Variants in ZNF827 observed in about 807,000 individuals in gnomAD.
ZNF827 encodes the protein zinc finger protein 827.
In ZNF827, 13 loss-of-function variants were observed where a neutral mutation model predicts 102.4. That is an observed-to-expected ratio of 0.13 (90% CI 0.08 to 0.20). The LOEUF (loss-of-function observed/expected upper bound fraction) is 0.20, where lower values mean the gene tolerates loss of function less well. Ranked by LOEUF, ZNF827 falls within the 10% of genes least tolerant of loss-of-function variation. The pLI, the probability that ZNF827 is intolerant of heterozygous loss-of-function variation, is 1.00. For synonymous variants in ZNF827, 523 were observed against 536.2 expected (o/e 0.98, Z 0.34); for missense variants, 1,103 against 1,344.4 (o/e 0.82, Z 2.81).
chr4:145,797,487 G>A (rs139168579), intron 8 of ZNF827, among the ~76,000 whole-genome samples: 281 of 152,278 alleles, frequency 1.8e-3, no homozygotes, highest in African/African-American at 6.5e-3. Flanking sequence ...GCCAAGGACA[G>A]GTTTGTGAAA....
rs757229816 is a variant in ZNF827 at position 145,765,759 on chromosome 4, C to G, written c.2861-21G>C. ...TTCCCCTGAAAAATAAGCAAATAAC[C>G]CAGTCTGTTAATGAGATGAAAATCC... On this transcript the variant is annotated intron_variant, in intron 11 of 14. Coordinates refer to ENST00000508784, the MANE Select transcript of ZNF827 (RefSeq NM_001306215.2). The surrounding 1 kb of genome is among the most constrained non-coding windows in gnomAD (Gnocchi z 4.7). 1.9e-6 allele frequency: 3 copies of G among 1,608,874 alleles called. No homozygotes were observed. Among genetic ancestry groups the G allele is most frequent in the Non-Finnish European group, 2.5e-6 (3 of 1,177,248 alleles).
rs113532075 is a variant in ZNF827 at position 145,826,064 on chromosome 4, G to A, written c.2280-2539C>T. Among the ~76,000 whole-genome samples, 459 of 152,266 alleles carry A rather than the reference G, an allele frequency of 3.0e-3. 1 individual carries two copies. Among genetic ancestry groups the A allele is most frequent in the African/African-American group, 9.9e-3 (410 of 41,540 alleles). On this transcript the variant is annotated intron_variant, in intron 7 of 14. Coordinates refer to ENST00000508784, the MANE Select transcript of ZNF827 (RefSeq NM_001306215.2). ...GAAGATATTAGGTTAACAGGGAATC[G>A]GTCTCAGACCAAACACACAGCTGCC... is the stretch of plus-strand genomic sequence containing the variant.
intron 4 of ZNF827, among the ~76,000 whole-genome samples, chr4:145,882,351 C>T (rs1026480564): frequency 1.3e-5 from 2 of 152,308 alleles, no homozygotes; most frequent in Non-Finnish European, 2.9e-5. Context: ...ATACTATTCC[C>T]TGAATCAACT....
chr4:145,781,265 G>T (rs1579158049), intron 8 of ZNF827, among the ~76,000 whole-genome samples: 1 of 131,542 alleles, frequency 7.6e-6, no homozygotes, highest in South Asian at 2.4e-4. Context: ...ACATGGGTCA[G>T]AGATAACATC....
intron 1 of ZNF827, among the ~76,000 whole-genome samples, chr4:145,908,869 A>C (rs949115748): frequency 6.6e-6 from 1 of 152,216 alleles, no homozygotes; most frequent in African/African-American, 2.4e-5. Context: ...GTGTAAGCAC[A>C]AAAGAGGGAA....
At chr4:145,898,898 C>G (rs1221520560) in intron 2 of ZNF827, among the ~76,000 whole-genome samples, 1 of 152,204 alleles carries the variant, frequency 6.6e-6, no homozygotes, top group Admixed American at 6.5e-5. Flanking sequence ...ATCAGCTTTT[C>G]TAGCACATAT....
At chr4:145,833,538 T>C (rs1006327787) in intron 7 of ZNF827, among the ~76,000 whole-genome samples, 4 of 151,984 alleles carry the variant, frequency 2.6e-5, no homozygotes, top group Admixed American at 6.5e-5. Flanking sequence ...TTCTCTGCTT[T>C]TCTGGAAGAG....
chr4:145,791,435 T>C (rs1424920572), intron 8 of ZNF827, among the ~76,000 whole-genome samples: 1 of 152,158 alleles, frequency 6.6e-6, no homozygotes, highest in East Asian at 1.9e-4. Flanking sequence ...ACATAAACAT[T>C]TAGACCATAC....
At position 145,831,841 on chromosome 4, in the gene ZNF827, G is replaced by A. The variant is rs914399572; in HGVS notation, c.2280-8316C>T. ...GATACTTGTTCAATATGGGTGATGGGAATATAGTGATTCATTATTTTTTCT... is the reference window on the plus strand; with the variant it reads ...GATACTTGTTCAATATGGGTGATGGAAATATAGTGATTCATTATTTTTTCT... On this transcript the variant is annotated intron_variant, in intron 7 of 14. Transcript: ENST00000508784. 6 of 147,754 alleles carry A rather than the reference G, an allele frequency of 4.1e-5. No individual in the cohort carries two copies. In the South Asian group the frequency reaches 1.3e-3, roughly 32 times the overall value. The allele number at this position is 147,754 out of a possible 1,614,324, so 9.2% of individuals were successfully genotyped here.
At chr4:145,851,585 A>T (rs916592913) in intron 5 of ZNF827, among the ~76,000 whole-genome samples, 1 of 152,322 alleles carries the variant, frequency 6.6e-6, no homozygotes, top group East Asian at 1.9e-4. Flanking sequence ...ATGTAAGAAG[A>T]GTGTTAATTG....
chr4:145,815,847 C>T (rs2126438483), intron 8 of ZNF827, among the ~76,000 whole-genome samples: 1 of 152,314 alleles, frequency 6.6e-6, no homozygotes, highest in South Asian at 2.1e-4. Context: ...CTCGAGGCAT[C>T]TAAATAGTCT....
chr4:145,774,402 A>G, intron 11 of ZNF827, 104 bp downstream of exon 11: 1 of 1,277,986 alleles, frequency 7.8e-7, no homozygotes. Context: ...TGGAAGGAAA[A>G]GGGCAATGTC....
chr4:145,916,045 G>A (rs561433028), intron 1 of ZNF827, among the ~76,000 whole-genome samples: 6 of 152,312 alleles, frequency 3.9e-5, no homozygotes, highest in South Asian at 2.1e-4. Flanking sequence ...GGGTTGGGCC[G>A]CCAAGGCCTC....
rs556166645 is a variant in ZNF827, at chr4:145,767,965, T to C, written c.2861-2227A>G. On this transcript the variant is annotated intron_variant, in intron 11 of 14. Transcript: ENST00000508784. ...GGATAAATTCATAATTTTTAAATTATTGAAATGTCTTTAAAAGATAAAAGT... is the reference window on the plus strand; with the variant it reads ...GGATAAATTCATAATTTTTAAATTACTGAAATGTCTTTAAAAGATAAAAGT... 2.6e-5 allele frequency among the ~76,000 whole-genome samples: 4 copies of C among 152,308 alleles called. No homozygotes were observed. In the South Asian group the frequency reaches 6.2e-4, roughly 24 times the overall value.
chr4:145,867,983 A>C (rs138413848), intron 5 of ZNF827, among the ~76,000 whole-genome samples: 1 of 152,348 alleles, frequency 6.6e-6, no homozygotes, highest in African/African-American at 2.4e-5. Context: ...TAAAATTACA[A>C]TTTGAGGAAA....
In ZNF827 at chr4:145,903,184, C is replaced by G. The variant is rs762719195; in HGVS notation, c.75G>C (p.Glu25Asp). ...CATACCAGTGTTCTCCTTCACTGAG[C>G]TCTCCCTCCGCCTCTTCCTGCCTAC... ...HVSRQEEAEG[E>D]LSEGEHWYGN... Residue 25 changes from glutamate (E) to aspartate (D), a missense_variant, in exon 2 of 15, where the codon GAG becomes GAC. Coordinates refer to ENST00000508784, the MANE Select transcript of ZNF827 (RefSeq NM_001306215.2). 3.1e-6 allele frequency: 5 copies of G among 1,612,710 alleles called. No homozygotes were observed. Among genetic ancestry groups the G allele is most frequent in the Non-Finnish European group, 4.2e-6 (5 of 1,179,054 alleles).
At chr4:145,861,691 C>G (rs572738321) in intron 5 of ZNF827, among the ~76,000 whole-genome samples, 1 of 152,226 alleles carries the variant, frequency 6.6e-6, no homozygotes, top group African/African-American at 2.4e-5. Context: ...AGCACGCCCC[C>G]ACCCCAGATC....
At chr4:145,806,739 G>A (rs1385902017) in intron 8 of ZNF827, among the ~76,000 whole-genome samples, 1 of 151,758 alleles carries the variant, frequency 6.6e-6, no homozygotes, top group Non-Finnish European at 1.5e-5. Flanking sequence ...TATACATTTT[G>A]ATATAACGAC....
At chr4:145,917,072 G>C (rs374857954) in intron 1 of ZNF827, among the ~76,000 whole-genome samples, 5 of 152,072 alleles carry the variant, frequency 3.3e-5, no homozygotes, top group South Asian at 4.2e-4. Context: ...CTCTTCTTCT[G>C]AGCCTTCACC....
Sources: allele counts gnomAD v4.1 joint callset (sites outside exome capture counted in the v4.1 genomes callset), GRCh38; gene constraint gnomAD v4.1.1; non-coding constraint Gnocchi (gnomAD v3.1); transcripts MANE v1.5; gene names NCBI Gene and HGNC (gene_info 2026-07-23, HGNC 2026-07-21).